PPM1L: variants seen among roughly 807,000 people sequenced by gnomAD.
PPM1L encodes protein phosphatase, Mg2+/Mn2+ dependent 1L, also known as protein phosphatase 1L.
Under a neutral mutation model 31.4 loss-of-function variants are expected in PPM1L, and 13 were observed. The ratio of observed to expected loss-of-function variants is 0.41; its 90% CI spans 0.27 to 0.66. The LOEUF (loss-of-function observed/expected upper bound fraction) is 0.66. PPM1L is among the 30% of genes least tolerant of loss of function. The pLI is 0.29. For missense variants in PPM1L, 326 were observed against 453.7 expected (o/e 0.72, Z 2.56); for synonymous variants, 184 against 175.4 (o/e 1.05, Z -0.39).
intron 1 of PPM1L, among the ~76,000 whole-genome samples, chr3:160,832,586 C>T (rs1713555632): frequency 6.6e-6 from 1 of 151,976 alleles, no homozygotes; most frequent in African/African-American, 2.4e-5. Context: ...TGTAAATTCA[C>T]AGGAAGTTGC....
At chr3:160,776,323 T>TTG (rs921208355) in intron 1 of PPM1L, among the ~76,000 whole-genome samples, 3 of 151,606 alleles carry the variant, frequency 2.0e-5, no homozygotes, top group South Asian at 2.1e-4. Context: ...GTGTGTGTGT[T>TTG]TGTGTGTGTG....
At chr3:161,022,339 A>G (rs1718257381) in intron 2 of PPM1L, 2 of 397,414 alleles carry the variant, frequency 5.0e-6, no homozygotes, top group South Asian at 1.2e-4. Context: ...AATGTCATCA[A>G]TAATTTCATA....
intron 2 of PPM1L, among the ~76,000 whole-genome samples, chr3:161,044,883 C>A (rs565669036): frequency 5.9e-5 from 9 of 152,058 alleles, no homozygotes; most frequent in Non-Finnish European, 1.3e-4. Flanking sequence ...ACCCATCTCA[C>A]GTGCAGAGAC....
intron 2 of PPM1L, among the ~76,000 whole-genome samples, chr3:161,063,473 G>C (rs985312450): frequency 1.7e-4 from 24 of 142,302 alleles, no homozygotes; most frequent in African/African-American, 6.7e-4. Context: ...ATTATATTAT[G>C]ATAGTTATTT....
intron 1 of PPM1L, among the ~76,000 whole-genome samples, chr3:160,767,469 A>G (rs1176426792): frequency 6.6e-6 from 1 of 152,102 alleles, no homozygotes. Context: ...TCCTGAGCTC[A>G]GATGATCCAC....
chr3:160,977,651 G>C (rs964412344), intron 2 of PPM1L, among the ~76,000 whole-genome samples: 2 of 151,974 alleles, frequency 1.3e-5, no homozygotes, highest in Admixed American at 1.3e-4. Flanking sequence ...TTCCCTAAAA[G>C]TTTGATTTGC....
At chr3:160,764,077 T>C (rs1193428222) in intron 1 of PPM1L, among the ~76,000 whole-genome samples, 1 of 152,204 alleles carries the variant, frequency 6.6e-6, no homozygotes, top group African/African-American at 2.4e-5. Flanking sequence ...CTGTCACATC[T>C]ACTGTTACAT....
At chr3:160,926,867 A>G (rs1714611292) in intron 1 of PPM1L, among the ~76,000 whole-genome samples, 2 of 152,234 alleles carry the variant, frequency 1.3e-5, no homozygotes, top group South Asian at 2.1e-4. Context: ...TAAAACATAC[A>G]TTGATAAAGG....
intron 1 of PPM1L, among the ~76,000 whole-genome samples, chr3:160,807,393 C>T (rs572774962): frequency 6.6e-6 from 1 of 152,294 alleles, no homozygotes; most frequent in South Asian, 2.1e-4. Context: ...TATAGCCATG[C>T]ACCATTTCCT....
At chr3:160,870,247 G>C (rs1290882882) in intron 1 of PPM1L, among the ~76,000 whole-genome samples, 1 of 152,114 alleles carries the variant, frequency 6.6e-6, no homozygotes, top group Non-Finnish European at 1.5e-5. Context: ...CTATGACAAA[G>C]TTGTCCCACC....
chr3:160,911,924 C>T (rs962918263), intron 1 of PPM1L, among the ~76,000 whole-genome samples: 2 of 151,970 alleles, frequency 1.3e-5, no homozygotes, highest in Non-Finnish European at 1.5e-5. Flanking sequence ...AGTGTTGAAC[C>T]CTGAGAGTAG....
At chr3:160,968,168 A>G (rs1270880298) in intron 2 of PPM1L, among the ~76,000 whole-genome samples, 1 of 150,394 alleles carries the variant, frequency 6.6e-6, no homozygotes, top group Non-Finnish European at 1.5e-5. Flanking sequence ...AGATTTTGGA[A>G]TAAGAGGTTC....
intron 2 of PPM1L, among the ~76,000 whole-genome samples, chr3:161,007,478 C>T (rs754056456): frequency 2.6e-5 from 4 of 151,934 alleles, no homozygotes; most frequent in Non-Finnish European, 4.4e-5. Flanking sequence ...AGTGAACGGA[C>T]GGGGAGAGAA....
chr3:160,877,662 G>T (rs1206145125), intron 1 of PPM1L, among the ~76,000 whole-genome samples: 1 of 152,170 alleles, frequency 6.6e-6, no homozygotes, highest in Non-Finnish European at 1.5e-5. Context: ...GCTCCCAAGT[G>T]GGACTTCCGG....
intron 2 of PPM1L, among the ~76,000 whole-genome samples, chr3:161,064,860 C>A (rs1235307092): frequency 6.6e-6 from 1 of 152,018 alleles, no homozygotes; most frequent in Non-Finnish European, 1.5e-5. Flanking sequence ...CTGGAGTGGA[C>A]CTGTTTCTGG....
intron 2 of PPM1L, among the ~76,000 whole-genome samples, chr3:160,979,084 C>T (rs375390998): frequency 6.6e-6 from 1 of 151,918 alleles, no homozygotes; most frequent in Non-Finnish European, 1.5e-5. Context: ...TGTAACGGCT[C>T]AACAGGACAG....
rs760907219 is a variant in PPM1L, at chr3:161,031,502, C to CTTTTTTTTTT, written c.575-33894_575-33885dup. ...GTGAATGGCAGCTATGTATTCTGTC[C>CTTTTTTTTTT]TTTTTTTTTTTTTTTTGAGAGAGAG... On this transcript the variant is annotated intron_variant, in intron 2 of 3. Transcript: ENST00000498165. Among the ~76,000 whole-genome samples the CTTTTTTTTTT allele has an allele frequency of 2.1e-3, 210 of 101,616 alleles. 9 individuals are homozygous for CTTTTTTTTTT. Among genetic ancestry groups the CTTTTTTTTTT allele is most frequent in the East Asian group, 5.4e-3 (13 of 2,390 alleles). The allele number at this position is 101,616 out of a possible 152,430, so 66.7% of individuals were successfully genotyped here.
chr3:160,956,279 G>T lies in PPM1L; in HGVS notation c.400-5457G>T, dbSNP rs1715771878. 5.3e-5 allele frequency among the ~76,000 whole-genome samples: 8 copies of T among 152,142 alleles called. No homozygotes were observed. In the South Asian group the frequency reaches 1.7e-3, roughly 31 times the overall value. Reference sequence around the variant, plus strand: ...TAAATTCTGTAAAAAGGCACATTCAGCACCTTTTATGCCCTGCCTTGTAAG... The same window carrying T: ...TAAATTCTGTAAAAAGGCACATTCATCACCTTTTATGCCCTGCCTTGTAAG... On this transcript the variant is annotated intron_variant, in intron 1 of 3. Transcript: ENST00000498165.
At chr3:160,951,509 G>A (rs1475691964) in intron 1 of PPM1L, among the ~76,000 whole-genome samples, 1 of 152,118 alleles carries the variant, frequency 6.6e-6, no homozygotes, top group African/African-American at 2.4e-5. Flanking sequence ...ATATTTTATT[G>A]CAATTACAGG....
Sources: gnomAD v4.1 joint callset for allele counts (sites outside exome capture counted in the v4.1 genomes callset) on GRCh38, gnomAD v4.1.1 for gene constraint, MANE v1.5 for transcripts, NCBI Gene and HGNC (gene_info 2026-07-23, HGNC 2026-07-21) for gene names.